SEMA5A: variants seen among roughly 807,000 people sequenced by gnomAD.
SEMA5A encodes the protein semaphorin-5A.
In SEMA5A, 55 loss-of-function variants were observed where a neutral mutation model predicts 135.5. The observed-to-expected ratio is 0.41, with a 90% CI of 0.33 to 0.51. The LOEUF (loss-of-function observed/expected upper bound fraction) is 0.51, where lower values mean the gene tolerates loss of function less well. SEMA5A is among the 20% of genes least tolerant of loss of function. The probability of loss-of-function intolerance (pLI) is 0.37; values close to 1 mark genes in which losing one functional copy is unlikely to be tolerated. For synonymous variants in SEMA5A, 580 were observed against 546.5 expected (o/e 1.06, Z -0.85); for missense variants, 1,290 against 1,419.9 (o/e 0.91, Z 1.47).
chr5:9,195,622 A>G (rs1233967044), intron 10 of SEMA5A, among the ~76,000 whole-genome samples: 1 of 152,254 alleles, frequency 6.6e-6, no homozygotes, highest in African/African-American at 2.4e-5. Context: ...TAATAGATAG[A>G]TGTGTGATAA....
chr5:9,356,789 G>A (rs892124367), intron 3 of SEMA5A, among the ~76,000 whole-genome samples: 2 of 152,164 alleles, frequency 1.3e-5, no homozygotes, highest in African/African-American at 4.8e-5. Context: ...TCTGTGTTAT[G>A]AGCAAAATTA....
At chr5:9,299,846 G>T (rs2150607238) in intron 5 of SEMA5A, among the ~76,000 whole-genome samples, 1 of 152,254 alleles carries the variant, frequency 6.6e-6, no homozygotes, top group East Asian at 1.9e-4. Context: ...CCCTGATGGG[G>T]CCAGGCCTCA....
chr5:9,353,108 A>AAAGGAAAGGG (rs1754225432), intron 3 of SEMA5A, among the ~76,000 whole-genome samples: 1 of 45,334 alleles, frequency 2.2e-5, no homozygotes, highest in Non-Finnish European at 4.7e-5. Flanking sequence ...GAAGGAAAGG[A>AAAGGAAAGGG]AAGGAAAGGA....
rs1351824080 is a variant in SEMA5A, at chr5:9,036,848, C to A, written c.*6049G>T. The A allele has an allele frequency of 6.6e-6, 1 of 152,622 alleles. No homozygotes were observed. The highest frequency in any genetic ancestry group is 1.5e-5 in the Non-Finnish European group (1 of 68,028). 9.5% of individuals were successfully genotyped at this position (152,622 alleles called of 1,614,324 possible). A position where few individuals can be genotyped will look rare whatever the true frequency, so the allele number is the denominator to read the frequency against. The stretch of plus-strand genomic sequence containing the variant: ...TTAAACAAGGCACTAGCAACTTTTT[C>A]TAGGAAATTAAACTACCGCACTTAC... On this transcript the variant is annotated 3_prime_UTR_variant, in exon 23 of 23. Transcript: ENST00000382496.
intron 1 of SEMA5A, among the ~76,000 whole-genome samples, chr5:9,467,950 A>G (rs1342744177): frequency 6.6e-6 from 1 of 152,270 alleles, no homozygotes; most frequent in African/African-American, 2.4e-5. Context: ...ACTAATCTTT[A>G]CAACACCCCA....
chr5:9,376,317 C>T (rs1050870382), intron 3 of SEMA5A, among the ~76,000 whole-genome samples: 2 of 152,180 alleles, frequency 1.3e-5, no homozygotes, highest in African/African-American at 4.8e-5. Flanking sequence ...CTTGCCAGGA[C>T]CCGCAATGCT....
At chr5:9,227,984 G>T (rs1044468272) in intron 6 of SEMA5A, among the ~76,000 whole-genome samples, 1 of 152,228 alleles carries the variant, frequency 6.6e-6, no homozygotes, top group African/African-American at 2.4e-5. Context: ...GTTGCAAAGT[G>T]TTCTTAGAAA....
At chr5:9,273,315 G>C (rs577636252) in intron 5 of SEMA5A, among the ~76,000 whole-genome samples, 1 of 152,212 alleles carries the variant, frequency 6.6e-6, no homozygotes, top group East Asian at 1.9e-4. Context: ...AATGAACAAA[G>C]CCCCCAAGAA....
chr5:9,246,221 G>A (rs1409309205), intron 5 of SEMA5A, among the ~76,000 whole-genome samples: 1 of 150,034 alleles, frequency 6.7e-6, no homozygotes, highest in African/African-American at 2.5e-5. Context: ...AAGACTAAAT[G>A]TAGCGAAAAA....
chr5:9,527,960 AT>A (rs1417427569), intron 1 of SEMA5A, among the ~76,000 whole-genome samples: 1 of 152,240 alleles, frequency 6.6e-6, no homozygotes. Context: ...TCTTCATAGA[AT>A]AAAAATATCT....
intron 16 of SEMA5A, among the ~76,000 whole-genome samples, chr5:9,100,013 A>G (rs956635929): frequency 1.3e-5 from 2 of 152,334 alleles, no homozygotes; most frequent in East Asian, 3.9e-4. Context: ...CATGTGTCCC[A>G]GGCAAGAATT....
At chr5:9,200,224 G>A (rs528941466) in intron 9 of SEMA5A, among the ~76,000 whole-genome samples, 22 of 152,218 alleles carry the variant, frequency 1.4e-4, no homozygotes, top group Non-Finnish European at 2.9e-4. Flanking sequence ...TACATTGGGT[G>A]ACTTCTGACA....
chr5:9,346,379 C>G (rs1300234585), intron 3 of SEMA5A, among the ~76,000 whole-genome samples: 1 of 152,102 alleles, frequency 6.6e-6, no homozygotes, highest in Non-Finnish European at 1.5e-5. Flanking sequence ...GCTCATGTAA[C>G]CTCATTTTTC....
chr5:9,518,033 A>T (rs1434083484), intron 1 of SEMA5A: 1 of 152,184 alleles, frequency 6.6e-6, no homozygotes, highest in Non-Finnish European at 1.5e-5. Flanking sequence ...AAACGTTGAA[A>T]ATGACTTGCA....
chr5:9,303,869 T>C (rs1751734132), intron 5 of SEMA5A, among the ~76,000 whole-genome samples: 1 of 152,210 alleles, frequency 6.6e-6, no homozygotes. Flanking sequence ...TTTTGAAATT[T>C]GAGCTTGCTT....
At chr5:9,265,407 C>T (rs1323126774) in intron 5 of SEMA5A, 4 of 456,064 alleles carry the variant, frequency 8.8e-6, no homozygotes, top group Non-Finnish European at 1.8e-5. Context: ...CAATCCCATC[C>T]TTCTATGGAA....
chr5:9,366,152 A>T (rs1754904840), intron 3 of SEMA5A, among the ~76,000 whole-genome samples: 1 of 152,336 alleles, frequency 6.6e-6, no homozygotes, highest in Middle Eastern at 3.4e-3. Context: ...ATGTATGTTA[A>T]TATTTCATCT....
intron 1 of SEMA5A, among the ~76,000 whole-genome samples, chr5:9,478,335 T>C (rs1336457974): frequency 6.6e-6 from 1 of 152,200 alleles, no homozygotes; most frequent in African/African-American, 2.4e-5. Context: ...CCGCTGGGCA[T>C]TGCCTAGTAG....
At chr5:9,500,005 G>A (rs1053116718) in intron 1 of SEMA5A, among the ~76,000 whole-genome samples, 4 of 152,096 alleles carry the variant, frequency 2.6e-5, no homozygotes, top group African/African-American at 7.2e-5. Flanking sequence ...GAAAATATAT[G>A]AGATCTGAAG....
Sources: gnomAD v4.1 joint callset for allele counts (sites outside exome capture counted in the v4.1 genomes callset) on GRCh38, gnomAD v4.1.1 for gene constraint, MANE v1.5 for transcripts, NCBI Gene and HGNC (gene_info 2026-07-23, HGNC 2026-07-21) for gene names.